Variants in TMC3 observed in about 807,000 individuals in gnomAD.
TMC3 encodes transmembrane channel like 3, also known as transmembrane channel-like protein 3.
TMC3 carries 98 observed loss-of-function variants against 110.6 expected under a neutral mutation model. That is an observed-to-expected ratio of 0.89 (90% CI 0.75 to 1.05). TMC3 has a LOEUF of 1.05. Among genes scored for constraint, TMC3 ranks in the 50% least tolerant of loss-of-function variants. The pLI, the probability that TMC3 is intolerant of heterozygous loss-of-function variation, is 0.00. For synonymous variants in TMC3, 489 were observed against 513.1 expected, an observed-to-expected ratio of 0.95 and a Z score of 0.63; for missense variants, 1,319 against 1,373.2, an observed-to-expected ratio of 0.96 and a Z score of 0.62.
At chr15:81,340,838 G>A (rs1429236000) in intron 16 of TMC3, among the ~76,000 whole-genome samples, 3 of 152,208 alleles carry the variant, frequency 2.0e-5, no homozygotes, top group Non-Finnish European at 2.9e-5. Context: ...CTACATGCCC[G>A]TCAACAGGAG....
intron 4 of TMC3, among the ~76,000 whole-genome samples, chr15:81,360,453 C>T (rs911228323): frequency 2.0e-5 from 3 of 152,140 alleles, no homozygotes; most frequent in East Asian, 1.9e-4. Context: ...CATGACTTGA[C>T]ATTTAGGACA....
At position 81,344,834 on chromosome 15, in the gene TMC3, T is replaced by G. The variant is rs757494999; in HGVS notation, c.1450A>C (p.Lys484Gln). Residue 484 changes from lysine (K) to glutamine (Q), a missense_variant, in exon 13 of 22, where the codon AAG (lysine) becomes CAG (glutamine). By Grantham distance (53) the Lys-to-Gln change is moderately conservative (BLOSUM62 1). Transcript: ENST00000359440. ...SISAYTMPLI[K>Q]ANKTSLHTQS... ...GTGTGGAGGCTAGTCTTGTTGGCCT[T>G]TATAAGAGGCATGGTATAAGCTGAA... 1 of 1,613,946 alleles carries G rather than the reference T, an allele frequency of 6.2e-7. No individual in the cohort carries two copies. The highest frequency in any genetic ancestry group is 1.7e-5 in the Admixed American group (1 of 60,016).
intron 5 of TMC3, among the ~76,000 whole-genome samples, chr15:81,358,867 T>C (rs79886546): frequency 2.6e-5 from 4 of 152,292 alleles, no homozygotes; most frequent in Non-Finnish European, 4.4e-5. Context: ...GGATACATCA[T>C]GCTATGGTGA....
Position 81,370,211 on chromosome 15 carries a change from G to A in TMC3, c.237-1883C>T, listed in dbSNP as rs554958449. Among the ~76,000 whole-genome samples the A allele has an allele frequency of 7.9e-5, 12 of 152,242 alleles. No individual in the cohort carries two copies. The South Asian group carries it at 1.7e-3, about 21-fold the overall frequency. ...CAGGTGGCTCTTGCTCCAGACTCAG[G>A]GTTAGCTCACTCTGCTTTTATCTGC... On this transcript the variant is annotated intron_variant, in intron 2 of 21. Transcript: ENST00000359440.
intron 3 of TMC3, among the ~76,000 whole-genome samples, chr15:81,365,346 T>C (rs1894286756): frequency 6.6e-6 from 1 of 152,250 alleles, no homozygotes; most frequent in South Asian, 2.1e-4. Context: ...TAGCCACAGA[T>C]GGTACAAAGA....
intron 2 of TMC3, among the ~76,000 whole-genome samples, chr15:81,370,363 T>C (rs1894407161): frequency 1.3e-5 from 2 of 152,096 alleles, no homozygotes; most frequent in African/African-American, 4.8e-5. Flanking sequence ...TTTCTCAAGG[T>C]GATGGAGAGG....
intron 3 of TMC3, among the ~76,000 whole-genome samples, chr15:81,364,801 G>T (rs1478065265): frequency 6.6e-6 from 1 of 151,398 alleles, no homozygotes; most frequent in African/African-American, 2.4e-5. Context: ...GAAGTTCACA[G>T]TCACTTCAGA....
At chr15:81,346,586 G>A (rs557779890) in intron 11 of TMC3, 143 bp from the exon 12 acceptor site, 17 of 784,178 alleles carry the variant, frequency 2.2e-5, no homozygotes, top group South Asian at 1.5e-4. Context: ...ATCACCTTGC[G>A]GGCATTTTTA....
intron 3 of TMC3, 33 bp from the exon 4 acceptor site, chr15:81,362,334 C>A (rs556492221): frequency 6.4e-7 from 1 of 1,571,708 alleles, no homozygotes; most frequent in Non-Finnish European, 8.7e-7. Flanking sequence ...AGAGAGGTCA[C>A]GTACATGAAG....
chr15:81,348,551 C>G (rs1893873997), intron 11 of TMC3, among the ~76,000 whole-genome samples: 1 of 152,232 alleles, frequency 6.6e-6, no homozygotes, highest in African/African-American at 2.4e-5. Context: ...TCAGGTGCAT[C>G]AGCCTACTGT....
At chr15:81,359,690 T>C (rs1894146826) in intron 4 of TMC3, among the ~76,000 whole-genome samples, 1 of 152,246 alleles carries the variant, frequency 6.6e-6, no homozygotes, top group South Asian at 2.1e-4. Context: ...GTCTCTAGTT[T>C]GCCTAAAATG....
At chr15:81,342,210 T>A (rs1395678949) in intron 15 of TMC3, among the ~76,000 whole-genome samples, 1 of 152,208 alleles carries the variant, frequency 6.6e-6, no homozygotes, top group Non-Finnish European at 1.5e-5. Context: ...CAGACTTAAG[T>A]CTAAATCAGT....
At chr15:81,341,666 A>G (rs1893719498) in intron 15 of TMC3, 148 bp from the exon 16 acceptor site, 1 of 688,382 alleles carries the variant, frequency 1.5e-6, no homozygotes, top group Non-Finnish European at 2.3e-6. Context: ...AAGTCCCGAG[A>G]CCACAACCCT....
At chr15:81,361,224 C>T (rs909727533) in intron 4 of TMC3, among the ~76,000 whole-genome samples, 6 of 151,988 alleles carry the variant, frequency 3.9e-5, no homozygotes, top group Admixed American at 2.6e-4. Flanking sequence ...ACTTTTTCCT[C>T]CTTCACTTTT....
chr15:81,333,857 G>T (rs973111434), intron 21 of TMC3, among the ~76,000 whole-genome samples: 2 of 152,120 alleles, frequency 1.3e-5, no homozygotes, highest in Non-Finnish European at 2.9e-5. Context: ...GGGTGTGGTG[G>T]CAGGTGCCTG....
intron 8 of TMC3, among the ~76,000 whole-genome samples, chr15:81,356,156 T>C (rs1424240749): frequency 6.6e-6 from 1 of 152,248 alleles, no homozygotes; most frequent in African/African-American, 2.4e-5. Flanking sequence ...GTTATATACA[T>C]GCATCATGGT....
chr15:81,358,551 G>A lies in TMC3; in HGVS notation c.502-51C>T, dbSNP rs192954470. The A allele has an allele frequency of 1.0e-4, 148 of 1,449,474 alleles. No individual in the cohort carries two copies. In the East Asian group the frequency reaches 2.9e-3, roughly 28 times the overall value. 89.8% of individuals were successfully genotyped at this position (1,449,474 alleles called of 1,614,324 possible). A position where few individuals can be genotyped will look rare whatever the true frequency, so the allele number is the denominator to read the frequency against. On this transcript the variant is annotated intron_variant, in intron 5 of 21. Coordinates refer to ENST00000359440, the MANE Select transcript of TMC3 (RefSeq NM_001080532.3). ...GTGGTCCTCTGGGTGGGAGGGGACC[G>A]GGAGAAAATGAGAGGTTGATCTCCA...
In TMC3 at chr15:81,350,571, T is replaced by C. The variant is rs182329154; in HGVS notation, c.1084-1004A>G. Among the ~76,000 whole-genome samples the C allele has an allele frequency of 1.1e-4, 17 of 152,332 alleles. No individual in the cohort carries two copies. The East Asian group carries it at 2.7e-3, about 24-fold the overall frequency. On this transcript the variant is annotated intron_variant, in intron 10 of 21. Transcript: ENST00000359440. ...AACATACAAGCACACAGCAACTCAA[T>C]TGGCATAAAATAGAGGCATGGGAAA...
chr15:81,339,272 G>C (rs1168432020), intron 17 of TMC3, 122 bp downstream of exon 17: 2 of 736,716 alleles, frequency 2.7e-6, no homozygotes, highest in Admixed American at 2.3e-5. Flanking sequence ...TAAAACATGC[G>C]GGTTTGCAAT....
Sources: allele counts gnomAD v4.1 joint callset (sites outside exome capture counted in the v4.1 genomes callset), GRCh38; gene constraint gnomAD v4.1.1; transcripts MANE v1.5; gene names NCBI Gene and HGNC (gene_info 2026-07-23, HGNC 2026-07-21).